The following DSCAML1 variants were observed in gnomAD, a reference collection of about 807,000 sequenced individuals.
DSCAML1 encodes the protein DS cell adhesion molecule like 1.
In DSCAML1, 38 loss-of-function variants were observed where a neutral mutation model predicts 200.5. The ratio of observed to expected loss-of-function variants is 0.19; its 90% CI spans 0.15 to 0.25. The LOEUF (loss-of-function observed/expected upper bound fraction) is 0.25, where lower values mean the gene tolerates loss of function less well. Among genes scored for constraint, DSCAML1 ranks in the 10% least tolerant of loss-of-function variants. The probability of loss-of-function intolerance (pLI) is 1.00; values close to 1 mark genes in which losing one functional copy is unlikely to be tolerated. For missense variants in DSCAML1, 2,223 were observed against 2,858.8 expected (o/e 0.78, Z 5.07); for synonymous variants, 1,215 against 1,165.0 (o/e 1.04, Z -0.87).
intron 3 of DSCAML1, among the ~76,000 whole-genome samples, chr11:117,737,329 G>A (rs970713535): frequency 6.6e-6 from 1 of 152,226 alleles, no homozygotes; most frequent in Non-Finnish European, 1.5e-5. Context: ...CAAGGGCCAG[G>A]TTCCGCATCT....
chr11:117,597,591 G>A (rs1339487320), intron 3 of DSCAML1, among the ~76,000 whole-genome samples: 2 of 152,170 alleles, frequency 1.3e-5, no homozygotes, highest in Non-Finnish European at 2.9e-5. Flanking sequence ...TGGAACTACA[G>A]GCGTGCATCA....
At chr11:117,816,284 C>T (rs908222587) in intron 1 of DSCAML1, among the ~76,000 whole-genome samples, 1 of 152,188 alleles carries the variant, frequency 6.6e-6, no homozygotes, top group Non-Finnish European at 1.5e-5. Context: ...ACTGCCCTCC[C>T]AATGTCCCGG....
chr11:117,536,694 G>C (rs533334699), intron 3 of DSCAML1, among the ~76,000 whole-genome samples: 1 of 152,306 alleles, frequency 6.6e-6, no homozygotes, highest in Non-Finnish European at 1.5e-5. Context: ...ACAGAGCTAC[G>C]TTTAAATGCT....
chr11:117,475,979 T>TAG (rs1305365259), intron 14 of DSCAML1, among the ~76,000 whole-genome samples: 1 of 152,184 alleles, frequency 6.6e-6, no homozygotes, highest in East Asian at 1.9e-4. Flanking sequence ...TGACCCTGAA[T>TAG]GGCTGAGACC....
chr11:117,522,459 A>G (rs1427585184), intron 5 of DSCAML1, among the ~76,000 whole-genome samples: 1 of 152,120 alleles, frequency 6.6e-6, no homozygotes, highest in Non-Finnish European at 1.5e-5. Context: ...CAGGCTCCAA[A>G]CTGACCTCTC....
intron 4 of DSCAML1, among the ~76,000 whole-genome samples, chr11:117,528,742 A>G (rs1831608715): frequency 6.6e-6 from 1 of 152,162 alleles, no homozygotes; most frequent in Admixed American, 6.5e-5. Flanking sequence ...GCAGGTGACA[A>G]TGCCCATCCC....
chr11:117,815,710 C>A (rs1432186974), intron 1 of DSCAML1, among the ~76,000 whole-genome samples: 1 of 152,028 alleles, frequency 6.6e-6, no homozygotes, highest in African/African-American at 2.4e-5. Context: ...AGGAGCAGGA[C>A]AGGCCAGGCT....
Position 117,760,500 on chromosome 11 carries a change from T to C in DSCAML1, c.511+16291A>G, listed in dbSNP as rs2054779306. ...ATAATGTATGGCATCCTTCTACAAT[T>C]TGCTTTTTTCTCTTCAATCGACACG... On this transcript the variant is annotated intron_variant, in intron 3 of 32. Coordinates refer to ENST00000651296, the MANE Select transcript of DSCAML1 (RefSeq NM_020693.4). Among the ~76,000 whole-genome samples the C allele has an allele frequency of 2.6e-5, 4 of 152,216 alleles. No homozygotes were observed. In the South Asian group the frequency reaches 8.3e-4, roughly 32 times the overall value.
chr11:117,472,580 G>A (rs953017560), intron 14 of DSCAML1, among the ~76,000 whole-genome samples: 1 of 152,162 alleles, frequency 6.6e-6, no homozygotes. Flanking sequence ...AAGTACCAGA[G>A]TCCCCAGTCC....
intron 3 of DSCAML1, among the ~76,000 whole-genome samples, chr11:117,551,202 T>C (rs117911367): frequency 0.021 from 3,255 of 152,316 alleles, 55 homozygotes; most frequent in Non-Finnish European, 0.033. Flanking sequence ...TCAGAGAGAA[T>C]TGGTGCAAAC....
At chr11:117,445,515 T>A (rs1312843307) in intron 20 of DSCAML1, among the ~76,000 whole-genome samples, 1 of 152,208 alleles carries the variant, frequency 6.6e-6, no homozygotes, top group Non-Finnish European at 1.5e-5. Flanking sequence ...TTGCCCATAG[T>A]TTCTGGACGC....
intron 19 of DSCAML1, among the ~76,000 whole-genome samples, chr11:117,458,553 T>C (rs1272118807): frequency 2.6e-5 from 4 of 151,204 alleles, no homozygotes; most frequent in African/African-American, 9.7e-5. Flanking sequence ...CGGGGGGAGG[T>C]GCAGGGAGGT....
intron 3 of DSCAML1, among the ~76,000 whole-genome samples, chr11:117,626,836 C>T (rs929207164): frequency 2.6e-5 from 4 of 152,132 alleles, no homozygotes; most frequent in South Asian, 2.1e-4. Context: ...TGGCCATGAG[C>T]GGCAGGTGCA....
intron 1 of DSCAML1, among the ~76,000 whole-genome samples, chr11:117,789,297 GC>G (rs2055416508): frequency 6.6e-6 from 1 of 152,298 alleles, no homozygotes; most frequent in South Asian, 2.1e-4. Context: ...TAATCTTCCA[GC>G]CCTTTCTAGA....
chr11:117,525,699 A>C (rs904103335), intron 4 of DSCAML1, among the ~76,000 whole-genome samples: 1 of 152,122 alleles, frequency 6.6e-6, no homozygotes, highest in Non-Finnish European at 1.5e-5. Flanking sequence ...ACCTCGGGTG[A>C]TCCGCCTGCC....
At chr11:117,618,591 A>T (rs1342743766) in intron 3 of DSCAML1, among the ~76,000 whole-genome samples, 7 of 152,166 alleles carry the variant, frequency 4.6e-5, no homozygotes, top group Admixed American at 4.6e-4. Flanking sequence ...GCTGCAAAAA[A>T]ATTCTAGCCC....
At chr11:117,580,166 G>A (rs1301736978) in intron 3 of DSCAML1, among the ~76,000 whole-genome samples, 1 of 152,226 alleles carries the variant, frequency 6.6e-6, no homozygotes, top group African/African-American at 2.4e-5. Context: ...AGAGAGTAGG[G>A]AGGAAATGTA....
At chr11:117,649,041 A>ATATATGTG (rs768621807) in intron 3 of DSCAML1, among the ~76,000 whole-genome samples, 1,915 of 137,880 alleles carry the variant, frequency 0.014, 35 homozygotes, top group African/African-American at 0.025. Context: ...CTCCATATAT[A>ATATATGTG]TGTGTGTGTG....
intron 3 of DSCAML1, among the ~76,000 whole-genome samples, chr11:117,692,961 C>T (rs1026264576): frequency 2.0e-5 from 3 of 152,184 alleles, no homozygotes; most frequent in Non-Finnish European, 4.4e-5. Flanking sequence ...CCAGACCCCT[C>T]GCCATCTTGA....
Sources: gnomAD v4.1 joint callset for allele counts (sites outside exome capture counted in the v4.1 genomes callset) on GRCh38, gnomAD v4.1.1 for gene constraint, MANE v1.5 for transcripts, NCBI Gene and HGNC (gene_info 2026-07-23, HGNC 2026-07-21) for gene names.